The following SBF2 variants were observed in gnomAD, a reference collection of about 807,000 sequenced individuals.
SBF2 encodes the protein SET binding factor 2.
SBF2 carries 112 observed loss-of-function variants against 225.2 expected under a neutral mutation model. The observed-to-expected ratio is 0.50, with a 90% confidence interval of 0.43 to 0.58. SBF2 has a LOEUF of 0.58. SBF2 is among the 20% of genes least tolerant of loss of function. The pLI is 0.00. For synonymous variants in SBF2, 763 were observed against 773.3 expected, an observed-to-expected ratio of 0.99 and a Z score of 0.22; for missense variants, 1,996 against 2,206.2, an observed-to-expected ratio of 0.90 and a Z score of 1.91.
chr11:9,781,311 G>A (rs1476437844), intron 39 of SBF2, among the ~76,000 whole-genome samples, 196 bp downstream of exon 39: 1 of 152,244 alleles, frequency 6.6e-6, no homozygotes, highest in African/African-American at 2.4e-5. Context: ...GCTTTTCTGA[G>A]ACATACAGAC....
chr11:9,902,163 T>C (rs530030390), intron 16 of SBF2, among the ~76,000 whole-genome samples: 1 of 152,302 alleles, frequency 6.6e-6, no homozygotes, highest in South Asian at 2.1e-4. Context: ...GTGGGAGAGA[T>C]TAGCTGGGAG....
At chr11:9,850,701 AC>A (rs1856861675) in intron 21 of SBF2, among the ~76,000 whole-genome samples, 1 of 152,238 alleles carries the variant, frequency 6.6e-6, no homozygotes, top group Non-Finnish European at 1.5e-5. Flanking sequence ...AAGTTTATAT[AC>A]CCAAATGTGA....
intron 1 of SBF2, among the ~76,000 whole-genome samples, chr11:10,218,307 A>C: frequency 1.6e-5 from 2 of 123,986 alleles, no homozygotes; most frequent in Admixed American, 7.9e-5. Context: ...CATGAATAGC[A>C]CAGGAAAGAC....
intron 22 of SBF2, among the ~76,000 whole-genome samples, chr11:9,848,522 C>T (rs1476562541): frequency 6.6e-6 from 1 of 151,802 alleles, no homozygotes; most frequent in African/African-American, 2.4e-5. Context: ...ACCACATAAG[C>T]AAGGAAAAGG....
chr11:9,945,616 T>A (rs542675589), intron 16 of SBF2, among the ~76,000 whole-genome samples: 9 of 152,016 alleles, frequency 5.9e-5, no homozygotes, highest in African/African-American at 1.9e-4. Flanking sequence ...ATAAACAGCT[T>A]TGGCACAGCA....
At chr11:10,030,729 T>A (rs1403797802) in intron 4 of SBF2, among the ~76,000 whole-genome samples, 1 of 152,216 alleles carries the variant, frequency 6.6e-6, no homozygotes, top group Non-Finnish European at 1.5e-5. Context: ...CACGAATTTG[T>A]TAAATCACTC....
chr11:10,158,446 GA>G (rs1378913336), intron 2 of SBF2, among the ~76,000 whole-genome samples: 17 of 152,006 alleles, frequency 1.1e-4, no homozygotes, highest in East Asian at 5.8e-4. Flanking sequence ...GCCAGACTAG[GA>G]AAAGAGAAGA....
At chr11:10,229,281 T>G (rs577439535) in intron 1 of SBF2, among the ~76,000 whole-genome samples, 137 of 152,312 alleles carry the variant, frequency 9.0e-4, no homozygotes, top group African/African-American at 3.1e-3. Flanking sequence ...CTGGATTCAT[T>G]GATTTTTTGA....
At chr11:9,860,235 G>A (rs1435933718) in intron 17 of SBF2, among the ~76,000 whole-genome samples, 2 of 149,802 alleles carry the variant, frequency 1.3e-5, no homozygotes, top group African/African-American at 4.9e-5. Context: ...TGTTTCAGTA[G>A]CAGTACACAA....
At chr11:9,809,124 C>T (rs1316968281) in intron 30 of SBF2, 122 bp from the exon 31 acceptor site, 9 of 698,816 alleles carry the variant, frequency 1.3e-5, no homozygotes, top group Non-Finnish European at 2.1e-5. Context: ...CACAAAAGAA[C>T]CACATAATGT....
chr11:10,292,142 A>G (rs1442094679), intron 1 of SBF2, among the ~76,000 whole-genome samples: 1 of 152,240 alleles, frequency 6.6e-6, no homozygotes, highest in African/African-American at 2.4e-5. Flanking sequence ...CAGTAAAGAG[A>G]TTACTAGCAC....
At chr11:9,918,961 C>T (rs1863353666) in intron 16 of SBF2, among the ~76,000 whole-genome samples, 2 of 151,804 alleles carry the variant, frequency 1.3e-5, no homozygotes, top group African/African-American at 4.8e-5. Flanking sequence ...CCAGGATGGT[C>T]TTGATCTCCT....
In SBF2 at chr11:9,854,145, A is replaced by G. The variant is rs557047887; in HGVS notation, c.2364-433T>C. Among the ~76,000 whole-genome samples the G allele has an allele frequency of 3.7e-4, 56 of 152,322 alleles. No individual in the cohort carries two copies. In the South Asian group the frequency reaches 4.8e-3, roughly 13 times the overall value. On this transcript the variant is annotated intron_variant, in intron 19 of 39. Coordinates refer to ENST00000256190, the MANE Select transcript of SBF2 (RefSeq NM_030962.4). ...ATCTTTGGCTACTTGGCAACTGAGG[A>G]ACATGTTCCCTGGTAGGCAAAGTAA...
intron 2 of SBF2, among the ~76,000 whole-genome samples, chr11:10,170,408 G>C (rs1334209620): frequency 6.6e-6 from 1 of 151,888 alleles, no homozygotes; most frequent in African/African-American, 2.4e-5. Context: ...GTATGTTCTT[G>C]GCACCTTTTT....
At chr11:9,965,300 T>C (rs933645509) in intron 14 of SBF2, among the ~76,000 whole-genome samples, 84 of 148,818 alleles carry the variant, frequency 5.6e-4, no homozygotes, top group African/African-American at 2.0e-3. Flanking sequence ...TTTTAAACTT[T>C]TTTTTTTTTT....
intron 22 of SBF2, among the ~76,000 whole-genome samples, chr11:9,849,632 T>C (rs1421389446): frequency 6.6e-6 from 1 of 152,218 alleles, no homozygotes; most frequent in Non-Finnish European, 1.5e-5. Flanking sequence ...TAGCATATCC[T>C]TCCACAAAAA....
chr11:9,807,968 A>G lies in SBF2; in HGVS notation c.4443+32T>C, dbSNP rs749178666. The G allele has an allele frequency of 1.9e-6, 3 of 1,598,018 alleles. No homozygotes were observed. The Admixed American group carries it at 5.0e-5, about 27-fold the overall frequency. Reference sequence around the variant, plus strand: ...GCTAGTATGTTGTGTTCTTTCCTTCATATCAAGTCAACTCAAGCTTGCTCT... The same window carrying G: ...GCTAGTATGTTGTGTTCTTTCCTTCGTATCAAGTCAACTCAAGCTTGCTCT... On this transcript the variant is annotated intron_variant, in intron 32 of 39. Coordinates refer to ENST00000256190, the MANE Select transcript of SBF2 (RefSeq NM_030962.4).
intron 28 of SBF2, among the ~76,000 whole-genome samples, chr11:9,823,978 T>G (rs1854922452): frequency 1.3e-5 from 2 of 152,294 alleles, no homozygotes; most frequent in Admixed American, 6.5e-5. Context: ...AGCACCTGGT[T>G]AGGAGTAAAA....
intron 26 of SBF2, among the ~76,000 whole-genome samples, chr11:9,833,622 G>A (rs183756553): frequency 2.4e-4 from 36 of 151,950 alleles, no homozygotes; most frequent in East Asian, 1.5e-3. Flanking sequence ...GGGTTTCACC[G>A]TGTTAGCCAG....
Sources: allele counts gnomAD v4.1 joint callset (sites outside exome capture counted in the v4.1 genomes callset), GRCh38; gene constraint gnomAD v4.1.1; transcripts MANE v1.5; gene names NCBI Gene and HGNC (gene_info 2026-07-23, HGNC 2026-07-21).